The following PRELID2 variants were observed in gnomAD, a reference collection of about 807,000 sequenced individuals.
PRELID2 encodes the protein PRELI domain containing 2.
In PRELID2, 25 loss-of-function variants were observed where a neutral mutation model predicts 28.4. The observed-to-expected ratio is 0.88, with a 90% CI of 0.64 to 1.23. The LOEUF (loss-of-function observed/expected upper bound fraction) is 1.23. Among genes scored for constraint, PRELID2 ranks in the 50% most tolerant of loss-of-function variants. The probability of loss-of-function intolerance (pLI) is 0.00; values close to 1 mark genes in which losing one functional copy is unlikely to be tolerated. For synonymous variants in PRELID2, 76 were observed against 71.6 expected, an observed-to-expected ratio of 1.06 and a Z score of -0.31; for missense variants, 201 against 214.4, an observed-to-expected ratio of 0.94 and a Z score of 0.39.
the PRELID2 span, among the ~76,000 whole-genome samples, chr5:145,248,739 G>A: frequency 6.6e-6 from 1 of 151,808 alleles, no homozygotes; most frequent in African/African-American, 2.4e-5. Context: ...GCAGGTTGCA[G>A]TGAACCGAGA....
chr5:145,301,925 CA>C, the PRELID2 span, among the ~76,000 whole-genome samples: 1 of 110,600 alleles, frequency 9.0e-6, no homozygotes, highest in South Asian at 3.5e-4. Context: ...CAACTTTATT[CA>C]TTTCTTTTTT....
chr5:145,403,609 G>A, the PRELID2 span, among the ~76,000 whole-genome samples: 8 of 152,134 alleles, frequency 5.3e-5, no homozygotes, highest in Non-Finnish European at 8.8e-5. Context: ...GGTAAAAGAA[G>A]GAAAGTTTAT....
At chr5:145,653,476 C>A (rs1207547465) in intron 1 of PRELID2, among the ~76,000 whole-genome samples, 1 of 152,114 alleles carries the variant, frequency 6.6e-6, no homozygotes, top group Admixed American at 6.6e-5. Context: ...GCAATTATTC[C>A]AAAATTGACC....
At chr5:145,446,343 G>GA in the PRELID2 span, among the ~76,000 whole-genome samples, 1 of 152,004 alleles carries the variant, frequency 6.6e-6, no homozygotes, top group East Asian at 1.9e-4. Context: ...ACAATTATGT[G>GA]AAAAAAAGTG....
At chr5:145,578,370 A>G (rs1489250196) in intron 1 of PRELID2, among the ~76,000 whole-genome samples, 1 of 152,128 alleles carries the variant, frequency 6.6e-6, no homozygotes, top group Admixed American at 6.6e-5. Context: ...AAGTGGTGGG[A>G]GTGCAAAGAA....
the PRELID2 span, among the ~76,000 whole-genome samples, chr5:145,392,184 G>C: frequency 6.6e-6 from 1 of 152,132 alleles, no homozygotes; most frequent in African/African-American, 2.4e-5. Context: ...AGACATACTT[G>C]AGACTGGGTA....
chr5:145,393,480 T>C, the PRELID2 span, among the ~76,000 whole-genome samples: 1 of 152,132 alleles, frequency 6.6e-6, no homozygotes, highest in Non-Finnish European at 1.5e-5. Flanking sequence ...AGAACAAGAA[T>C]AGGTTCAGAG....
chr5:145,385,303 C>T, the PRELID2 span, among the ~76,000 whole-genome samples: 1 of 152,100 alleles, frequency 6.6e-6, no homozygotes, highest in African/African-American at 2.4e-5. Flanking sequence ...GACAAATAAA[C>T]ATGGTTAAGT....
rs962726984 is a variant in PRELID2 at position 145,791,191 on chromosome 5, T to A, written c.474+5251A>T. On this transcript the variant is annotated intron_variant, in intron 5 of 6. Coordinates refer to ENST00000683046, the MANE Select transcript of PRELID2 (RefSeq NM_205846.3). Reference sequence around the variant, plus strand: ...CTTACATGGTGGCAGGCAAGAAAGCTTGTGCAGGGGAACTCCCATCACTAC... The same window carrying A: ...CTTACATGGTGGCAGGCAAGAAAGCATGTGCAGGGGAACTCCCATCACTAC... Among the ~76,000 whole-genome samples the A allele has an allele frequency of 5.3e-5, 8 of 151,986 alleles. No individual in the cohort carries two copies. In the East Asian group the frequency reaches 9.7e-4, roughly 18 times the overall value.
the PRELID2 span, among the ~76,000 whole-genome samples, chr5:145,280,505 G>A: frequency 4.6e-5 from 7 of 151,974 alleles, no homozygotes; most frequent in Admixed American, 4.6e-4. Context: ...CTATGTATTG[G>A]CAGTCATGAA....
chr5:145,739,264 G>A (rs1378250941), intron 1 of PRELID2, among the ~76,000 whole-genome samples: 1 of 152,178 alleles, frequency 6.6e-6, no homozygotes, highest in African/African-American at 2.4e-5. Flanking sequence ...CCAGCACTTT[G>A]GGAGGCTGAG....
the PRELID2 span, among the ~76,000 whole-genome samples, chr5:145,458,331 A>G: frequency 6.6e-6 from 1 of 152,210 alleles, no homozygotes; most frequent in Non-Finnish European, 1.5e-5. Flanking sequence ...GCTAGTAAAA[A>G]CCATCATTTC....
At chr5:145,542,578 G>A (rs1401227720) in intron 1 of PRELID2, among the ~76,000 whole-genome samples, 1 of 152,082 alleles carries the variant, frequency 6.6e-6, no homozygotes, top group African/African-American at 2.4e-5. Context: ...TAAAGATTTT[G>A]ACAGCTTTGC....
At chr5:145,343,429 G>T in the PRELID2 span, among the ~76,000 whole-genome samples, 1 of 151,422 alleles carries the variant, frequency 6.6e-6, no homozygotes, top group South Asian at 2.1e-4. Context: ...ATAACCATTT[G>T]AGTCAACAAA....
the PRELID2 span, among the ~76,000 whole-genome samples, chr5:145,332,609 A>G: frequency 2.6e-5 from 4 of 152,012 alleles, no homozygotes; most frequent in Admixed American, 2.6e-4. Context: ...TGTGTTATTC[A>G]GCTACATCAG....
chr5:145,615,326 T>TAA (rs1753680031), intron 1 of PRELID2, among the ~76,000 whole-genome samples: 3 of 99,188 alleles, frequency 3.0e-5, no homozygotes, highest in African/African-American at 1.2e-4. Context: ...CTCTTTTTTT[T>TAA]GTTTTTTTTT....
chr5:145,690,336 C>G (rs776553421), intron 1 of PRELID2, among the ~76,000 whole-genome samples: 11 of 152,114 alleles, frequency 7.2e-5, no homozygotes, highest in Non-Finnish European at 1.5e-4. Context: ...GGTGAAGTTC[C>G]AATTCAGTTT....
At chr5:145,793,841 T>C (rs1752562283) in intron 5 of PRELID2, among the ~76,000 whole-genome samples, 1 of 152,066 alleles carries the variant, frequency 6.6e-6, no homozygotes, top group South Asian at 2.1e-4. Flanking sequence ...ACTTCTGCCA[T>C]CAAGGAACAT....
rs56978118 is a variant in PRELID2, at chr5:145,811,082, CAAAAAAAAAAAAAAAA to C, written c.368+6796_368+6811del. ...AAGGCACGTCTTACATGGCAGCAGGCAAAAAAAAAAAAAAAAAAAAAAAAAAAAAAAAAAAAATTGT... is the reference window on the plus strand; with the variant it reads ...AAGGCACGTCTTACATGGCAGCAGGCAAAAAAAAAAAAAAAAAAAAATTGT... On this transcript the variant is annotated intron_variant, in intron 4 of 6. Coordinates refer to ENST00000683046, the MANE Select transcript of PRELID2 (RefSeq NM_205846.3). Among the ~76,000 whole-genome samples, 64 of 26,742 alleles carry C rather than the reference CAAAAAAAAAAAAAAAA, an allele frequency of 2.4e-3. No homozygotes were observed. In the East Asian group the frequency reaches 0.075, roughly 31 times the overall value. The allele number at this position is 26,742 out of a possible 152,430, so 17.5% of individuals were successfully genotyped here.
Sources: gnomAD v4.1 joint callset for allele counts (sites outside exome capture counted in the v4.1 genomes callset) on GRCh38, gnomAD v4.1.1 for gene constraint, MANE v1.5 for transcripts, NCBI Gene and HGNC (gene_info 2026-07-23, HGNC 2026-07-21) for gene names.